The following ATP6V1H variants were observed in gnomAD, a reference collection of about 807,000 sequenced individuals.
The protein encoded by ATP6V1H is V-type proton ATPase subunit H.
A neutral mutation model predicts 71.7 loss-of-function variants in ATP6V1H; 39 were observed. The observed-to-expected ratio is 0.54, with a 90% CI of 0.42 to 0.71. The LOEUF (loss-of-function observed/expected upper bound fraction) is 0.71. Ranked by LOEUF, ATP6V1H falls within the 30% of genes least tolerant of loss-of-function variation. ATP6V1H has a pLI of 0.00. For synonymous variants in ATP6V1H, 192 were observed against 199.3 expected (o/e 0.96, Z 0.31); for missense variants, 509 against 594.9 (o/e 0.86, Z 1.50).
chr8:53,787,771 C>A (rs1809431822), intron 9 of ATP6V1H, among the ~76,000 whole-genome samples: 1 of 152,132 alleles, frequency 6.6e-6, no homozygotes, highest in Non-Finnish European at 1.5e-5. Flanking sequence ...ATCAGTTTAA[C>A]CAACAGCAGT....
chr8:53,725,391 A>G lies in ATP6V1H; in HGVS notation c.1392-9367T>C, dbSNP rs560177197. 3.9e-5 allele frequency among the ~76,000 whole-genome samples: 6 copies of G among 152,150 alleles called. No individual in the cohort carries two copies. The South Asian group carries it at 8.3e-4, about 21-fold the overall frequency. On this transcript the variant is annotated intron_variant, in intron 13 of 13. Coordinates refer to ENST00000359530, the MANE Select transcript of ATP6V1H (RefSeq NM_015941.4). ...TGACTTCTCAAACTCCATAACTGTA[A>G]GAAATAAATTCCATTTCTTTAGACA...
rs183623790 is a variant in ATP6V1H at position 53,817,380 on chromosome 8, A to C, written c.420+37T>G. The C allele has an allele frequency of 5.8e-4, 841 of 1,459,744 alleles. 3 individuals are homozygous for C. The African/African-American group carries it at 0.011, about 18-fold the overall frequency. The allele number at this position is 1,459,744 out of a possible 1,614,324, so 90.4% of individuals were successfully genotyped here. A position where few individuals can be genotyped will look rare whatever the true frequency, so the allele number is the denominator to read the frequency against. ...TAGTGAGACCCTCTCTCTTTAAAAAAATTTTAAAAAAAGAATCCAATCAAT... is the reference window on the plus strand; with the variant it reads ...TAGTGAGACCCTCTCTCTTTAAAAACATTTTAAAAAAAGAATCCAATCAAT... On this transcript the variant is annotated intron_variant, in intron 5 of 13. Transcript: ENST00000359530.
chr8:53,831,132 G>C (rs140746073), intron 3 of ATP6V1H, among the ~76,000 whole-genome samples: 1 of 152,160 alleles, frequency 6.6e-6, no homozygotes, highest in African/African-American at 2.4e-5. Flanking sequence ...CCATAGAAAA[G>C]TAAATAAAAA....
intron 13 of ATP6V1H, among the ~76,000 whole-genome samples, chr8:53,742,318 CT>C (rs1197145957): frequency 1.3e-5 from 2 of 150,760 alleles, no homozygotes; most frequent in Non-Finnish European, 3.0e-5. Flanking sequence ...ACCTCCACCC[CT>C]GAGTGTCACA....
In ATP6V1H at chr8:53,829,502, T is replaced by C; in HGVS notation, c.248A>G (p.His83Arg). 4 of 1,598,116 alleles carry C rather than the reference T, an allele frequency of 2.5e-6. No individual in the cohort carries two copies. The highest frequency in any genetic ancestry group is 3.4e-6 in the Non-Finnish European group (4 of 1,174,594). ...CTGAACGGTCTGTTCTTTGCAGATA[T>C]GAGTCATCAGATTTATAAATGTTTT... ...CAKTFINLMT[H>R]ICKEQTVQYI... Residue 83 changes from histidine to arginine, a missense_variant, in exon 4 of 14, where the codon CAT becomes CGT. By Grantham distance (29) the His-to-Arg change is conservative. Around this residue, in one of 2 missense-constraint regions of ATP6V1H, gnomAD observed 297 missense variants for 303.3 expected, o/e 0.98. Coordinates refer to ENST00000359530, the MANE Select transcript of ATP6V1H (RefSeq NM_015941.4).
Position 53,838,212 on chromosome 8 carries a change from A to G in ATP6V1H, c.113+3366T>C, listed in dbSNP as rs568701139. Among the ~76,000 whole-genome samples the G allele has an allele frequency of 2.3e-3, 338 of 149,486 alleles. 2 individuals carry two copies. Among genetic ancestry groups the G allele is most frequent in the African/African-American group, 7.9e-3 (321 of 40,420 alleles). Reference sequence around the variant, plus strand: ...GCAACCTCGGCTCACTGCAACCTCCACCTCCTAGGTTCAAGCGATTCTCCT... The same window carrying G: ...GCAACCTCGGCTCACTGCAACCTCCGCCTCCTAGGTTCAAGCGATTCTCCT... On this transcript the variant is annotated intron_variant, in intron 2 of 13. Coordinates refer to ENST00000359530, the MANE Select transcript of ATP6V1H (RefSeq NM_015941.4).
intron 11 of ATP6V1H, among the ~76,000 whole-genome samples, chr8:53,761,664 A>G (rs1808278057): frequency 6.6e-6 from 1 of 152,176 alleles, no homozygotes; most frequent in Non-Finnish European, 1.5e-5. Context: ...ACTCCTTCCC[A>G]CTTCCTATTC....
chr8:53,724,271 G>GC (rs913136227), intron 13 of ATP6V1H, among the ~76,000 whole-genome samples: 10 of 152,088 alleles, frequency 6.6e-5, no homozygotes, highest in African/African-American at 2.4e-4. Context: ...AGGTCATATG[G>GC]CCCCCCAAAA....
intron 11 of ATP6V1H, among the ~76,000 whole-genome samples, chr8:53,758,426 G>A (rs1166686511): frequency 3.3e-5 from 5 of 152,132 alleles, no homozygotes; most frequent in African/African-American, 1.2e-4. Flanking sequence ...ATTATTTAAA[G>A]GCATTTTGTC....
rs141693716 is a variant in ATP6V1H, at chr8:53,820,582, G to A, written c.307-3052C>T. Among the ~76,000 whole-genome samples the A allele has an allele frequency of 2.3e-3, 339 of 150,598 alleles. 2 individuals carry two copies. The highest frequency in any genetic ancestry group is 7.8e-3 in the African/African-American group (322 of 41,054). ...CTCAAGATGCTGAGGTGCGAGGATC[G>A]TTTGAACCCAAGAGTTTGAGGTTAC... On this transcript the variant is annotated intron_variant, in intron 4 of 13. Transcript: ENST00000359530.
Position 53,747,216 on chromosome 8 carries a change from T to C in ATP6V1H, c.1278-3526A>G, listed in dbSNP as rs527781999. On this transcript the variant is annotated intron_variant, in intron 12 of 13. Coordinates refer to ENST00000359530, the MANE Select transcript of ATP6V1H (RefSeq NM_015941.4). ...CATGGCTGTTTAGAAGCTAATAAAA[T>C]GATATCACACTATAACATATTATGA... 3.9e-5 allele frequency among the ~76,000 whole-genome samples: 6 copies of C among 152,334 alleles called. No individual in the cohort carries two copies. In the South Asian group the frequency reaches 1.2e-3, roughly 32 times the overall value.
intron 9 of ATP6V1H, among the ~76,000 whole-genome samples, chr8:53,784,993 G>T (rs1453334891): frequency 6.6e-5 from 10 of 152,134 alleles, no homozygotes; most frequent in African/African-American, 2.4e-4. Flanking sequence ...TTTCAACTTT[G>T]GTGAATCTGA....
chr8:53,819,030 A>AC (rs1436411247), intron 4 of ATP6V1H, among the ~76,000 whole-genome samples: 1 of 151,634 alleles, frequency 6.6e-6, no homozygotes, highest in Non-Finnish European at 1.5e-5. Flanking sequence ...ACATAGTGAT[A>AC]CCCCATCTCT....
intron 13 of ATP6V1H, among the ~76,000 whole-genome samples, chr8:53,722,214 T>A (rs757790113): frequency 6.6e-6 from 1 of 152,216 alleles, no homozygotes; most frequent in Non-Finnish European, 1.5e-5. Flanking sequence ...CTGTCACAGA[T>A]CGGCAGCATC....
chr8:53,720,244 TCTC>T (rs1350500190), intron 13 of ATP6V1H, among the ~76,000 whole-genome samples: 1 of 152,124 alleles, frequency 6.6e-6, no homozygotes, highest in Admixed American at 6.6e-5. Flanking sequence ...ACACCTGAAA[TCTC>T]CTGGGATCTC....
At chr8:53,772,917 AAAAAAC>A (rs1335476154) in intron 9 of ATP6V1H, among the ~76,000 whole-genome samples, 1 of 151,668 alleles carries the variant, frequency 6.6e-6, no homozygotes, top group African/African-American at 2.4e-5. Context: ...AAAAAAAAAA[AAAAAAC>A]AAAACAGTAA....
chr8:53,751,384 A>G (rs565027399), intron 12 of ATP6V1H, among the ~76,000 whole-genome samples: 1 of 152,328 alleles, frequency 6.6e-6, no homozygotes, highest in South Asian at 2.1e-4. Flanking sequence ...AGGCTGTACT[A>G]ACCGAATTGG....
chr8:53,819,446 C>T (rs1463365806), intron 4 of ATP6V1H, among the ~76,000 whole-genome samples: 1 of 146,968 alleles, frequency 6.8e-6, no homozygotes, highest in Admixed American at 6.8e-5. Flanking sequence ...GCAGGAGAAT[C>T]GCTTGAACCT....
At chr8:53,777,040 C>A (rs929410002) in intron 9 of ATP6V1H, among the ~76,000 whole-genome samples, 7 of 152,064 alleles carry the variant, frequency 4.6e-5, no homozygotes, top group Non-Finnish European at 1.0e-4. Context: ...TTCTTCCCTC[C>A]CACAAACAAA....
Sources: gnomAD v4.1 joint callset for allele counts (sites outside exome capture counted in the v4.1 genomes callset) on GRCh38, gnomAD v4.1.1 for gene constraint, gnomAD v4.1.1 regional missense constraint, MANE v1.5 for transcripts, NCBI Gene and HGNC (gene_info 2026-07-23, HGNC 2026-07-21) for gene names.